The following MAP4 variants were observed in gnomAD, a reference collection of about 807,000 sequenced individuals.
The protein encoded by MAP4 is microtubule-associated protein 4.
MAP4 carries 76 observed loss-of-function variants against 170.2 expected under a neutral mutation model. That is an observed-to-expected ratio of 0.45 (90% CI 0.37 to 0.54). The LOEUF (loss-of-function observed/expected upper bound fraction) is 0.54, where lower values mean the gene tolerates loss of function less well. MAP4 is among the 20% of genes least tolerant of loss of function. MAP4 has a pLI of 0.00. For synonymous variants in MAP4, 909 were observed against 994.5 expected, an observed-to-expected ratio of 0.91 and a Z score of 1.62; for missense variants, 2,506 against 2,748.0, an observed-to-expected ratio of 0.91 and a Z score of 1.97.
chr3:47,902,385 A>G (rs1444779774), intron 10 of MAP4, among the ~76,000 whole-genome samples: 1 of 152,044 alleles, frequency 6.6e-6, no homozygotes, highest in East Asian at 1.9e-4. Flanking sequence ...AGTAAAAAAA[A>G]GCCAGTGGAG....
chr3:48,087,640 G>A (rs2100149800), intron 1 of MAP4, among the ~76,000 whole-genome samples: 1 of 151,968 alleles, frequency 6.6e-6, no homozygotes, highest in Non-Finnish European at 1.5e-5. Context: ...ACCATCCCTG[G>A]GAAAGAGCAG....
At chr3:47,949,494 CA>C in intron 3 of MAP4, among the ~76,000 whole-genome samples, 1 of 142,012 alleles carries the variant, frequency 7.0e-6, no homozygotes, top group Admixed American at 7.0e-5. Context: ...AAAAAAGAAT[CA>C]CCACCCATAG....
chr3:47,907,860 G>C (rs573477813), intron 9 of MAP4, among the ~76,000 whole-genome samples: 1 of 152,300 alleles, frequency 6.6e-6, no homozygotes, highest in African/African-American at 2.4e-5. Flanking sequence ...GATAAAAACA[G>C]AGAAGATGAG....
intron 5 of MAP4, among the ~76,000 whole-genome samples, chr3:47,920,628 T>C (rs375528529): frequency 1.3e-4 from 20 of 149,832 alleles, no homozygotes; most frequent in African/African-American, 4.7e-4. Flanking sequence ...CATGGCTCAA[T>C]GCAGCCTCGA....
intron 3 of MAP4, among the ~76,000 whole-genome samples, chr3:47,953,382 C>T (rs2100065729): frequency 1.3e-5 from 2 of 152,030 alleles, no homozygotes; most frequent in Admixed American, 1.3e-4. Flanking sequence ...ATTAACCAGG[C>T]ACAGTGTCAC....
intron 1 of MAP4, among the ~76,000 whole-genome samples, chr3:48,077,471 AAG>A (rs1215840795): frequency 2.0e-5 from 3 of 151,248 alleles, no homozygotes; most frequent in African/African-American, 7.3e-5. Context: ...GAAAGAAAGA[AAG>A]AGAAGAAAAA....
In MAP4 at chr3:48,071,555, AAAAG is replaced by A. The variant is rs2100141040; in HGVS notation, c.-20+17214_-20+17217del. On this transcript the variant is annotated intron_variant, in intron 1 of 18. Transcript: ENST00000360240. ...ATGGACTGAGACCCATCTCAAGAAA[AAAAG>A]AAAAGAGAAAAAATCTGAACACAGA... Among the ~76,000 whole-genome samples the A allele has an allele frequency of 4.6e-5, 7 of 152,308 alleles. No individual in the cohort carries two copies. The South Asian group carries it at 1.4e-3, about 32-fold the overall frequency.
chr3:48,076,892 T>C (rs2100144211), intron 1 of MAP4, among the ~76,000 whole-genome samples: 2 of 152,222 alleles, frequency 1.3e-5, no homozygotes, highest in Non-Finnish European at 2.9e-5. Flanking sequence ...GGCTCACACC[T>C]GTAATCCCAG....
chr3:47,973,826 A>G, intron 3 of MAP4: 1 of 985,362 alleles, frequency 1.0e-6, no homozygotes. Flanking sequence ...ATAACTGTAC[A>G]CCAAAGGGAA....
chr3:48,065,024 G>A (rs1303996198), intron 1 of MAP4, among the ~76,000 whole-genome samples: 3 of 152,172 alleles, frequency 2.0e-5, no homozygotes, highest in African/African-American at 7.2e-5. Context: ...CATCTACTGT[G>A]GAGGCTGAGG....
rs190345042 is a variant in MAP4 at position 47,907,087 on chromosome 3, G to A, written c.5383+1951C>T. The stretch of plus-strand genomic sequence containing the variant: ...TGACCTCAGGTGATCCGCCTGCCTC[G>A]GCCTCCCAAAGTGCTGGGATTATAG... On this transcript the variant is annotated intron_variant, in intron 9 of 20. Coordinates refer to ENST00000683076, the MANE Select transcript of MAP4 (RefSeq NM_001385682.1). Among the ~76,000 whole-genome samples the A allele has an allele frequency of 5.3e-5, 8 of 152,168 alleles. No homozygotes were observed. In the East Asian group the frequency reaches 5.8e-4, roughly 11 times the overall value.
chr3:47,919,147 A>G (rs368231426), intron 5 of MAP4, among the ~76,000 whole-genome samples: 4 of 151,908 alleles, frequency 2.6e-5, no homozygotes, highest in East Asian at 3.9e-4. Flanking sequence ...TAGCCCGGAT[A>G]GTCTCGATCT....
intron 1 of MAP4, among the ~76,000 whole-genome samples, chr3:48,078,737 A>T (rs1453275957): frequency 6.6e-6 from 1 of 152,078 alleles, no homozygotes; most frequent in African/African-American, 2.4e-5. Context: ...CCCAAATTCA[A>T]ATTATTTCAA....
At chr3:47,927,538 CGA>C (rs1222472902) in intron 4 of MAP4, among the ~76,000 whole-genome samples, 1 of 152,084 alleles carries the variant, frequency 6.6e-6, no homozygotes, top group Non-Finnish European at 1.5e-5. Flanking sequence ...TGCAGTGGCG[CGA>C]TCTCGGCTCA....
chr3:48,066,849 TTTTTTTTTTG>T (rs2154562115), intron 1 of MAP4, among the ~76,000 whole-genome samples: 1 of 125,592 alleles, frequency 8.0e-6, no homozygotes, highest in Non-Finnish European at 1.7e-5. Flanking sequence ...TTTTTTTTTT[TTTTTTTTTTG>T]AGACGGAGTC....
intron 1 of MAP4, chr3:48,039,470 G>A (rs1471862854): frequency 6.5e-6 from 1 of 153,114 alleles, no homozygotes; most frequent in Non-Finnish European, 1.5e-5. Flanking sequence ...CTCTCCTTCA[G>A]ATAGAGACAG....
At chr3:47,925,481 T>G (rs1006911751) in intron 4 of MAP4, among the ~76,000 whole-genome samples, 3 of 152,176 alleles carry the variant, frequency 2.0e-5, no homozygotes, top group African/African-American at 7.2e-5. Context: ...CAGAGGGAGA[T>G]TCTGTCTCAA....
At chr3:48,044,152 A>AC (rs2100123110) in intron 1 of MAP4, among the ~76,000 whole-genome samples, 1 of 140,366 alleles carries the variant, frequency 7.1e-6, no homozygotes, top group African/African-American at 2.7e-5. Context: ...CCGCTCTGTA[A>AC]TTTTTTTTTG....
At chr3:48,053,820 T>G (rs1440418433) in intron 1 of MAP4, among the ~76,000 whole-genome samples, 1 of 152,184 alleles carries the variant, frequency 6.6e-6, no homozygotes, top group Non-Finnish European at 1.5e-5. Context: ...GGAATGATGC[T>G]TATATCGAGC....
Sources: allele counts gnomAD v4.1 joint callset (sites outside exome capture counted in the v4.1 genomes callset), GRCh38; gene constraint gnomAD v4.1.1; transcripts MANE v1.5; gene names NCBI Gene and HGNC (gene_info 2026-07-23, HGNC 2026-07-21).